The following DIS3L2 variants were observed in gnomAD, a reference collection of about 807,000 sequenced individuals.
DIS3L2 encodes the protein DIS3-like exonuclease 2.
DIS3L2 carries 34 observed loss-of-function variants against 97.5 expected under a neutral mutation model. The ratio of observed to expected loss-of-function variants is 0.35; its 90% CI spans 0.27 to 0.46. The LOEUF is 0.46. Ranked by LOEUF, DIS3L2 falls within the 20% of genes least tolerant of loss-of-function variation. DIS3L2 has a pLI of 1.00. For synonymous variants in DIS3L2, 435 were observed against 445.2 expected (o/e 0.98, Z 0.29); for missense variants, 1,038 against 1,146.0 (o/e 0.91, Z 1.36).
At chr2:232,110,683 CA>C (rs1303385236) in intron 6 of DIS3L2, among the ~76,000 whole-genome samples, 1 of 152,096 alleles carries the variant, frequency 6.6e-6, no homozygotes, top group African/African-American at 2.4e-5. Context: ...GAACAATACA[CA>C]CCGGGGCCTG....
intron 6 of DIS3L2, among the ~76,000 whole-genome samples, chr2:232,092,052 C>G (rs1417755007): frequency 6.6e-6 from 1 of 152,024 alleles, no homozygotes; most frequent in Non-Finnish European, 1.5e-5. Flanking sequence ...GTCTTTAATC[C>G]ATTTTGATTT....
chr2:232,191,172 G>A (rs1304083856), intron 9 of DIS3L2, among the ~76,000 whole-genome samples: 1 of 152,204 alleles, frequency 6.6e-6, no homozygotes, highest in East Asian at 1.9e-4. Context: ...GAGGGAGCTT[G>A]AAAGAAGCAG....
chr2:232,010,600 T>G (rs184601448), intron 1 of DIS3L2, among the ~76,000 whole-genome samples: 1 of 152,248 alleles, frequency 6.6e-6, no homozygotes, highest in Non-Finnish European at 1.5e-5. Flanking sequence ...TCTTTTTCTC[T>G]CTCTAAACCT....
intron 8 of DIS3L2, among the ~76,000 whole-genome samples, chr2:232,139,563 G>T (rs1288438939): frequency 6.6e-6 from 1 of 152,170 alleles, no homozygotes. Flanking sequence ...GGGAAAGAGC[G>T]TGGATAAAAC....
chr2:232,051,126 T>G (rs1695387471), intron 5 of DIS3L2, among the ~76,000 whole-genome samples: 1 of 152,180 alleles, frequency 6.6e-6, no homozygotes, highest in South Asian at 2.1e-4. Flanking sequence ...TTCATGGTGT[T>G]AAGGTAACAA....
chr2:232,301,797 T>C lies in DIS3L2; in HGVS notation c.1739+1678T>C, dbSNP rs187238848. Among the ~76,000 whole-genome samples, 20 of 152,122 alleles carry C rather than the reference T, an allele frequency of 1.3e-4. No individual in the cohort carries two copies. The East Asian group carries it at 1.9e-3, about 15-fold the overall frequency. On this transcript the variant is annotated intron_variant, in intron 14 of 20. Transcript: ENST00000325385. ...TCACATATCTGGTGGCAACAACTTA[T>C]GTTGTCTTTGACTGTGAGAAGAGAA...
At chr2:232,272,662 G>A (rs1364522156) in intron 13 of DIS3L2, among the ~76,000 whole-genome samples, 3 of 152,146 alleles carry the variant, frequency 2.0e-5, no homozygotes, top group Non-Finnish European at 4.4e-5. Flanking sequence ...GGGTTAGAAG[G>A]CAATCTAACA....
chr2:232,157,205 C>T (rs557445569), intron 8 of DIS3L2, among the ~76,000 whole-genome samples: 2 of 152,270 alleles, frequency 1.3e-5, no homozygotes, highest in East Asian at 3.9e-4. Flanking sequence ...CCCAGAGGTA[C>T]TAAAACCTTT....
intron 16 of DIS3L2, among the ~76,000 whole-genome samples, chr2:232,331,076 G>A (rs935775369): frequency 6.6e-5 from 10 of 152,250 alleles, no homozygotes; most frequent in African/African-American, 2.2e-4. Context: ...CTGGGGTCCT[G>A]GAGGAGAGAC....
intron 1 of DIS3L2, among the ~76,000 whole-genome samples, chr2:231,975,119 A>C (rs1693043419): frequency 6.6e-6 from 1 of 152,122 alleles, no homozygotes; most frequent in Non-Finnish European, 1.5e-5. Context: ...AAGATCTTAG[A>C]ATCTCAGATG....
intron 5 of DIS3L2, among the ~76,000 whole-genome samples, chr2:232,079,421 C>G (rs1696316701): frequency 6.6e-6 from 1 of 151,472 alleles, no homozygotes; most frequent in South Asian, 2.1e-4. Flanking sequence ...ATGGTGAAAC[C>G]CCGTCTCTAC....
chr2:232,337,653 C>G (rs932881648), downstream of DIS3L2, among the ~76,000 whole-genome samples: 1 of 152,108 alleles, frequency 6.6e-6, no homozygotes, highest in Admixed American at 6.5e-5. Context: ...CGAGAGCTGC[C>G]AGAAACTAGG....
intron 3 of DIS3L2, among the ~76,000 whole-genome samples, chr2:232,022,532 T>C (rs988561576): frequency 1.4e-4 from 22 of 152,162 alleles, no homozygotes; most frequent in Non-Finnish European, 2.5e-4. Context: ...CTTGTTCATA[T>C]GCTAACCATT....
chr2:232,341,166 G>A (rs1323834868), downstream of DIS3L2, among the ~76,000 whole-genome samples: 1 of 152,232 alleles, frequency 6.6e-6, no homozygotes, highest in African/African-American at 2.4e-5. Context: ...AAGATGGGCA[G>A]TAATGAGGGC....
intron 6 of DIS3L2, among the ~76,000 whole-genome samples, chr2:232,127,117 T>C (rs886572209): frequency 6.6e-6 from 1 of 152,198 alleles, no homozygotes; most frequent in African/African-American, 2.4e-5. Flanking sequence ...TGCATTTCAA[T>C]ATCCTCTCTC....
At chr2:232,341,072 G>A (rs1157014649), downstream of DIS3L2, 1 of 386,438 alleles carries the variant, frequency 2.6e-6, no homozygotes, top group East Asian at 7.1e-5. Context: ...TTGCCACCGT[G>A]GAGACACATT....
At chr2:232,343,437 C>A (rs748710028) in exon 14 of DIS3L2, 1 of 1,556,152 alleles carries the variant, frequency 6.4e-7, no homozygotes, top group South Asian at 1.2e-5. Context: ...CAGAGGAACG[C>A]CTGCCTGAGA....
At chr2:232,262,211 C>T (rs1693726777) in intron 12 of DIS3L2, among the ~76,000 whole-genome samples, 1 of 152,146 alleles carries the variant, frequency 6.6e-6, no homozygotes, top group African/African-American at 2.4e-5. Flanking sequence ...CCCTTTCTTC[C>T]ATAGACCCTT....
intron 6 of DIS3L2, among the ~76,000 whole-genome samples, chr2:232,121,158 C>G (rs1697892321): frequency 1.3e-5 from 2 of 152,166 alleles, no homozygotes; most frequent in South Asian, 4.1e-4. Flanking sequence ...GCACAGCATT[C>G]TGACTTCACT....
Sources: gnomAD v4.1 joint callset for allele counts (sites outside exome capture counted in the v4.1 genomes callset) on GRCh38, gnomAD v4.1.1 for gene constraint, MANE v1.5 for transcripts, NCBI Gene and HGNC (gene_info 2026-07-23, HGNC 2026-07-21) for gene names.